The following TENM2 variants were observed in gnomAD, a reference collection of about 807,000 sequenced individuals.
The protein encoded by TENM2 is teneurin transmembrane protein 2, also known as teneurin-2.
In TENM2, 52 loss-of-function variants were observed where a neutral mutation model predicts 245.2. The observed-to-expected ratio is 0.21, with a 90% CI of 0.17 to 0.27. The LOEUF is 0.27. TENM2 is among the 10% of genes least tolerant of loss of function. The probability of loss-of-function intolerance (pLI) is 1.00; values close to 1 mark genes in which losing one functional copy is unlikely to be tolerated. For missense variants in TENM2, 3,046 were observed against 3,666.8 expected (o/e 0.83, Z 4.37); for synonymous variants, 1,363 against 1,438.9 (o/e 0.95, Z 1.19).
intron 2 of TENM2, among the ~76,000 whole-genome samples, chr5:167,692,393 G>C (rs1473583442): frequency 6.6e-6 from 1 of 151,990 alleles, no homozygotes; most frequent in Non-Finnish European, 1.5e-5. Context: ...CATCACCCCT[G>C]GACAGTCTGA....
At chr5:167,500,994 A>G (rs1769177134) in intron 2 of TENM2, among the ~76,000 whole-genome samples, 1 of 152,140 alleles carries the variant, frequency 6.6e-6, no homozygotes. Context: ...AGACTCCTTT[A>G]GTGTGATAAC....
At chr5:168,090,841 A>G in intron 8 of TENM2, 72 bp downstream of exon 10, 1 of 1,365,378 alleles carries the variant, frequency 7.3e-7, no homozygotes, top group South Asian at 1.3e-5. Flanking sequence ...TCTGCAGAAG[A>G]CACATCTTCT....
At position 168,238,186 on chromosome 5, in the gene TENM2, G is replaced by GAGAGA. The variant is rs1562320617; in HGVS notation, c.5521-6234_5521-6233insAGAGA. ...GAGAGAGAGAGAGAGAGAGAGAGAG[G>GAGAGA]GAGGGAGGGAGGGAGGGAGGGAGGG... On this transcript the variant is annotated intron_variant, in intron 25 of 28. Transcript: ENST00000518659. Among the ~76,000 whole-genome samples, 21 of 35,334 alleles carry GAGAGA rather than the reference G, an allele frequency of 5.9e-4. No individual in the cohort carries two copies. In the African/African-American group the frequency reaches 8.3e-3, roughly 14 times the overall value. 23.2% of individuals were successfully genotyped at this position (35,334 alleles called of 152,430 possible).
the TENM2 span, among the ~76,000 whole-genome samples, chr5:167,066,002 T>G: frequency 1.3e-5 from 2 of 152,124 alleles, no homozygotes; most frequent in Non-Finnish European, 2.9e-5. Context: ...TGATGAACCA[T>G]TAAGTGGTCC....
intron 2 of TENM2, among the ~76,000 whole-genome samples, chr5:167,655,314 A>G (rs1347790555): frequency 2.6e-5 from 4 of 152,188 alleles, no homozygotes; most frequent in Non-Finnish European, 5.9e-5. Flanking sequence ...ATTTTTCCAT[A>G]TATGATTCCA....
chr5:168,143,868 A>C (rs1398162103), intron 12 of TENM2, among the ~76,000 whole-genome samples: 1 of 28,340 alleles, frequency 3.5e-5, no homozygotes, highest in Non-Finnish European at 7.0e-5. Context: ...TTTTTTTTTG[A>C]GACAGAGTTT....
intron 4 of TENM2, among the ~76,000 whole-genome samples, chr5:167,958,694 G>A (rs1044806957): frequency 4.6e-5 from 7 of 152,126 alleles, no homozygotes; most frequent in African/African-American, 1.4e-4. Context: ...AAATCTCTCA[G>A]CATTTGCTTG....
chr5:167,075,403 C>T, the TENM2 span, among the ~76,000 whole-genome samples: 155 of 152,158 alleles, frequency 1.0e-3, 1 homozygote, highest in Middle Eastern at 0.014. Flanking sequence ...TGTGACAAGA[C>T]GGTTTTTTGG....
At chr5:167,847,479 C>G (rs1770155939) in intron 2 of TENM2, among the ~76,000 whole-genome samples, 1 of 152,172 alleles carries the variant, frequency 6.6e-6, no homozygotes, top group Non-Finnish European at 1.5e-5. Context: ...TGCAAATAAA[C>G]AAATCAAATG....
intron 2 of TENM2, among the ~76,000 whole-genome samples, chr5:167,408,064 C>T (rs767267237): frequency 3.8e-4 from 58 of 152,226 alleles, no homozygotes; most frequent in Non-Finnish European, 6.3e-4. Flanking sequence ...ATTGCATTTC[C>T]TTATTCCACT....
chr5:167,462,563 T>G (rs1388526592), intron 2 of TENM2, among the ~76,000 whole-genome samples: 1 of 152,008 alleles, frequency 6.6e-6, no homozygotes, highest in East Asian at 2.0e-4. Flanking sequence ...ACGACTGGGA[T>G]GGATGGGGAG....
the TENM2 span, among the ~76,000 whole-genome samples, chr5:167,261,765 A>G: frequency 0.11 from 16,601 of 152,208 alleles, 1,058 homozygotes; most frequent in East Asian, 0.18. Context: ...TGGAATGTGC[A>G]TGGATATAGT....
intron 2 of TENM2, among the ~76,000 whole-genome samples, chr5:167,381,475 T>C (rs1761091675): frequency 6.6e-6 from 1 of 152,196 alleles, no homozygotes; most frequent in Admixed American, 6.6e-5. Context: ...CTTAGTGCAG[T>C]ATCAAACATT....
At chr5:167,817,988 TAAG>T (rs1561815144) in intron 2 of TENM2, among the ~76,000 whole-genome samples, 1 of 152,190 alleles carries the variant, frequency 6.6e-6, no homozygotes, top group African/African-American at 2.4e-5. Context: ...GATGTATAGA[TAAG>T]AAGGATGAAG....
chr5:167,657,506 G>A (rs561391452), intron 2 of TENM2, among the ~76,000 whole-genome samples: 1 of 152,164 alleles, frequency 6.6e-6, no homozygotes, highest in Non-Finnish European at 1.5e-5. Flanking sequence ...GCCCAGTAGT[G>A]GGATTGCTGG....
intron 3 of TENM2, among the ~76,000 whole-genome samples, chr5:167,934,331 C>T (rs1778524888): frequency 6.6e-6 from 1 of 152,154 alleles, no homozygotes; most frequent in Admixed American, 6.5e-5. Context: ...GGAACAAATG[C>T]ATTTAACTCA....
At chr5:167,164,125 C>T in the TENM2 span, among the ~76,000 whole-genome samples, 3 of 152,258 alleles carry the variant, frequency 2.0e-5, no homozygotes, top group African/African-American at 7.2e-5. Context: ...CAAATAAGAA[C>T]ATCTCTCATC....
chr5:167,390,672 AATTG>A (rs1371714465), intron 2 of TENM2, among the ~76,000 whole-genome samples: 2 of 151,426 alleles, frequency 1.3e-5, no homozygotes, highest in Admixed American at 1.3e-4. Flanking sequence ...GTTGCTTAAT[AATTG>A]ATATAGAAAA....
At chr5:167,793,099 T>G (rs1686215706) in intron 2 of TENM2, among the ~76,000 whole-genome samples, 1 of 152,198 alleles carries the variant, frequency 6.6e-6, no homozygotes, top group Non-Finnish European at 1.5e-5. Context: ...TAGTAAAGCC[T>G]TGAGAGAGCT....
Sources: allele counts gnomAD v4.1 joint callset (sites outside exome capture counted in the v4.1 genomes callset), GRCh38; gene constraint gnomAD v4.1.1; transcripts MANE v1.5; gene names NCBI Gene and HGNC (gene_info 2026-07-23, HGNC 2026-07-21).